GRIP1: variants seen among roughly 807,000 people sequenced by gnomAD.
GRIP1 encodes glutamate receptor-interacting protein 1.
In GRIP1, 45 loss-of-function variants were observed where a neutral mutation model predicts 129.9. The ratio of observed to expected loss-of-function variants is 0.35; its 90% confidence interval spans 0.27 to 0.44. The LOEUF is 0.44. Among genes scored for constraint, GRIP1 ranks in the 20% least tolerant of loss-of-function variants. The pLI, the probability that GRIP1 is intolerant of heterozygous loss-of-function variation, is 1.00. For synonymous variants in GRIP1, 530 were observed against 520.8 expected (o/e 1.02, Z -0.24); for missense variants, 1,196 against 1,396.8 (o/e 0.86, Z 2.29).
At chr12:66,583,826 C>T (rs2063503074) in intron 2 of GRIP1, among the ~76,000 whole-genome samples, 1 of 134,414 alleles carries the variant, frequency 7.4e-6, no homozygotes, top group African/African-American at 2.7e-5. Context: ...TAAACTAGTT[C>T]AACCATTGTG....
chr12:66,651,746 A>G (rs146771553), intron 1 of GRIP1, among the ~76,000 whole-genome samples: 3 of 152,260 alleles, frequency 2.0e-5, no homozygotes, highest in Non-Finnish European at 4.4e-5. Context: ...GAAAATCTCT[A>G]TGGACCTAAC....
At chr12:66,775,660 G>A in intron 1 of GRIP1, among the ~76,000 whole-genome samples, 1 of 151,594 alleles carries the variant, frequency 6.6e-6, no homozygotes, top group Non-Finnish European at 1.5e-5. Context: ...TTCATTTGAT[G>A]AAGATAAAAA....
At chr12:66,429,460 G>T (rs565629847) in intron 14 of GRIP1, among the ~76,000 whole-genome samples, 1 of 152,154 alleles carries the variant, frequency 6.6e-6, no homozygotes, top group Non-Finnish European at 1.5e-5. Context: ...ACTTTAAGAG[G>T]CTGAGGCAGG....
intron 7 of GRIP1, among the ~76,000 whole-genome samples, chr12:66,470,370 G>C (rs1263454811): frequency 6.6e-6 from 1 of 151,420 alleles, no homozygotes; most frequent in African/African-American, 2.4e-5. Context: ...CGCTGCTACA[G>C]TGCCTTCATT....
chr12:66,475,283 C>A (rs1264849704), intron 7 of GRIP1, among the ~76,000 whole-genome samples: 1 of 152,160 alleles, frequency 6.6e-6, no homozygotes, highest in African/African-American at 2.4e-5. Flanking sequence ...AGCTAACTAT[C>A]CTAAATATAT....
intron 1 of GRIP1, among the ~76,000 whole-genome samples, chr12:66,950,977 T>C (rs1208536806): frequency 1.3e-5 from 2 of 152,198 alleles, no homozygotes; most frequent in East Asian, 1.9e-4. Flanking sequence ...GTTTTAGTAT[T>C]TTTGGTTTTC....
intron 1 of GRIP1, among the ~76,000 whole-genome samples, chr12:66,754,841 A>G (rs956921573): frequency 6.6e-6 from 1 of 152,138 alleles, no homozygotes; most frequent in African/African-American, 2.4e-5. Flanking sequence ...TGGGAAGCCA[A>G]TTTCCCTGAG....
intron 1 of GRIP1, among the ~76,000 whole-genome samples, chr12:66,977,956 G>A (rs749941800): frequency 9.3e-5 from 14 of 151,150 alleles, no homozygotes; most frequent in African/African-American, 1.7e-4. Context: ...AAGACTACAC[G>A]TGCACACTAC....
intron 2 of GRIP1, among the ~76,000 whole-genome samples, chr12:66,592,295 C>T (rs2063876370): frequency 6.6e-6 from 1 of 152,192 alleles, no homozygotes; most frequent in African/African-American, 2.4e-5. Flanking sequence ...TCTTGGGCTA[C>T]TGGACATTTT....
chr12:66,376,373 T>G (rs1344002768), intron 22 of GRIP1, among the ~76,000 whole-genome samples: 1 of 152,162 alleles, frequency 6.6e-6, no homozygotes, highest in South Asian at 2.1e-4. Flanking sequence ...AAAATAAAAA[T>G]GAGACTTTTG....
chr12:66,441,149 T>C (rs941724955), intron 13 of GRIP1, among the ~76,000 whole-genome samples: 3 of 152,252 alleles, frequency 2.0e-5, no homozygotes, highest in African/African-American at 7.2e-5. Context: ...GTCTTTCTTC[T>C]TAATGGCCAA....
intron 16 of GRIP1, among the ~76,000 whole-genome samples, chr12:66,395,119 T>A (rs2056740352): frequency 6.6e-6 from 1 of 152,246 alleles, no homozygotes; most frequent in African/African-American, 2.4e-5. Flanking sequence ...AAGACACTTG[T>A]GAATGTGCTC....
In GRIP1 at chr12:66,458,476, T is replaced by C. The variant is rs569382457; in HGVS notation, c.1043-2134A>G. Among the ~76,000 whole-genome samples the C allele has an allele frequency of 6.6e-5, 10 of 152,286 alleles. No homozygotes were observed. The East Asian group carries it at 1.9e-3, about 29-fold the overall frequency. ...CTCAGCTCACTGCAAACTCTGCCTC[T>C]CAGGTTCAAGTGATTCTCTCACCTC... On this transcript the variant is annotated intron_variant, in intron 9 of 24. Coordinates refer to ENST00000359742, the MANE Select transcript of GRIP1 (RefSeq NM_001366722.1).
intron 1 of GRIP1, among the ~76,000 whole-genome samples, chr12:66,634,636 C>A (rs555132899): frequency 6.6e-6 from 1 of 152,300 alleles, no homozygotes; most frequent in South Asian, 2.1e-4. Flanking sequence ...AACAGTTTAT[C>A]CCAAAGAGGT....
chr12:66,475,663 G>C (rs1391831414), intron 7 of GRIP1, among the ~76,000 whole-genome samples: 3 of 152,150 alleles, frequency 2.0e-5, no homozygotes, highest in African/African-American at 7.2e-5. Flanking sequence ...TAGAACTCAG[G>C]ATTAAGAAAC....
At chr12:66,549,019 A>G (rs2062037630) in intron 2 of GRIP1, among the ~76,000 whole-genome samples, 1 of 152,214 alleles carries the variant, frequency 6.6e-6, no homozygotes, top group Non-Finnish European at 1.5e-5. Context: ...AAGTACTATT[A>G]ACTGCAGAGA....
At chr12:66,849,839 G>A (rs1383083156) in intron 1 of GRIP1, among the ~76,000 whole-genome samples, 1 of 152,122 alleles carries the variant, frequency 6.6e-6, no homozygotes, top group Non-Finnish European at 1.5e-5. Context: ...TCACTTTCAA[G>A]GACCAGCTAC....
chr12:66,867,413 C>T (rs1246544301), intron 1 of GRIP1, among the ~76,000 whole-genome samples: 1 of 152,124 alleles, frequency 6.6e-6, no homozygotes, highest in Non-Finnish European at 1.5e-5. Flanking sequence ...ATTGTTTTCA[C>T]TTTAAATTTA....
intron 22 of GRIP1, among the ~76,000 whole-genome samples, chr12:66,376,531 G>T (rs934586452): frequency 1.3e-5 from 2 of 152,134 alleles, no homozygotes; most frequent in African/African-American, 4.8e-5. Context: ...ATTCCATCTC[G>T]TTCTTCCTTG....
Sources: allele counts gnomAD v4.1 joint callset (sites outside exome capture counted in the v4.1 genomes callset), GRCh38; gene constraint gnomAD v4.1.1; transcripts MANE v1.5; gene names NCBI Gene and HGNC (gene_info 2026-07-23, HGNC 2026-07-21).